SEL1L3: variants seen among roughly 807,000 people sequenced by gnomAD.
SEL1L3 encodes the protein protein sel-1 homolog 3.
In SEL1L3, 76 loss-of-function variants were observed where a neutral mutation model predicts 142.8. That is an observed-to-expected ratio of 0.53 (90% CI 0.44 to 0.64). SEL1L3 has a LOEUF of 0.64. Ranked by LOEUF, SEL1L3 falls within the 30% of genes least tolerant of loss-of-function variation. The pLI is 0.00. For missense variants in SEL1L3, 1,262 were observed against 1,381.7 expected (o/e 0.91, Z 1.37); for synonymous variants, 504 against 519.6 (o/e 0.97, Z 0.41).
chr4:25,781,139 T>C (rs755175979), intron 15 of SEL1L3, among the ~76,000 whole-genome samples: 3 of 151,862 alleles, frequency 2.0e-5, no homozygotes, highest in Non-Finnish European at 4.4e-5. Flanking sequence ...ACCACCACTC[T>C]CAGCCCTCCT....
intron 9 of SEL1L3, among the ~76,000 whole-genome samples, chr4:25,815,094 G>A (rs1714303894): frequency 6.6e-6 from 1 of 152,246 alleles, no homozygotes; most frequent in Non-Finnish European, 1.5e-5. Context: ...AGGGAGAAGA[G>A]GAAGGCAGCT....
the SEL1L3 span, among the ~76,000 whole-genome samples, chr4:25,724,209 A>G: frequency 6.6e-6 from 1 of 152,118 alleles, no homozygotes. Flanking sequence ...ACTTGAGGTC[A>G]GGAGTTCGAG....
At chr4:25,716,380 C>T in the SEL1L3 span, among the ~76,000 whole-genome samples, 1 of 152,098 alleles carries the variant, frequency 6.6e-6, no homozygotes, top group African/African-American at 2.4e-5. Context: ...GGATATAGAA[C>T]ATAGAGAACA....
upstream of SEL1L3, chr4:25,863,364 T>TTTTCCTCCC (rs1299556036): frequency 6.4e-6 from 4 of 623,288 alleles, no homozygotes; most frequent in African/African-American, 7.6e-5. Flanking sequence ...CACTTTCTCC[T>TTTTCCTCCC]TTTCCTCCCT....
chr4:25,726,485 G>A, the SEL1L3 span, among the ~76,000 whole-genome samples: 6 of 147,912 alleles, frequency 4.1e-5, no homozygotes, highest in Non-Finnish European at 5.9e-5. Context: ...CCGAGATTGC[G>A]CCACTGCACT....
chr4:25,714,507 T>A, the SEL1L3 span, among the ~76,000 whole-genome samples: 1 of 39,436 alleles, frequency 2.5e-5, no homozygotes, highest in African/African-American at 6.9e-5. Context: ...TCTTTTTCTT[T>A]CTTTCTTTCT....
At chr4:25,757,092 A>G (rs1239855587) in intron 23 of SEL1L3, among the ~76,000 whole-genome samples, 3 of 152,138 alleles carry the variant, frequency 2.0e-5, no homozygotes, top group Admixed American at 2.0e-4. Context: ...ACATGGTGAA[A>G]CCCCGTCTCT....
chr4:25,858,793 C>G (rs1363667554), intron 1 of SEL1L3, among the ~76,000 whole-genome samples: 2 of 152,074 alleles, frequency 1.3e-5, no homozygotes, highest in South Asian at 4.1e-4. Context: ...ACCATGTTGG[C>G]CAGGATGGTC....
the SEL1L3 span, among the ~76,000 whole-genome samples, chr4:25,717,258 G>T: frequency 6.6e-6 from 1 of 152,238 alleles, no homozygotes; most frequent in Admixed American, 6.5e-5. Context: ...CATAGAGGGA[G>T]GATGAACCTT....
At position 25,779,150 on chromosome 4, in the gene SEL1L3, C is replaced by T; in HGVS notation, c.2511G>A (p.Gly837=). Residue 837 remains glycine (G), a synonymous_variant, in exon 16 of 24, where the codon GGG becomes GGA. Transcript: ENST00000399878. ...HKAAQGGHME[G]TLWCSLYYIT... ...TATAGTAGAGAGAACACCACAAGGT[C>T]CCTTCCATGTGTCCACCTTGCGCAG... 2 of 1,613,380 alleles carry T rather than the reference C, an allele frequency of 1.2e-6. No individual in the cohort carries two copies. The highest frequency in any genetic ancestry group is 1.7e-6 in the Non-Finnish European group (2 of 1,179,360).
intron 17 of SEL1L3, among the ~76,000 whole-genome samples, chr4:25,772,803 A>T (rs181521255): frequency 2.5e-4 from 38 of 152,098 alleles, no homozygotes; most frequent in African/African-American, 8.9e-4. Context: ...TTATTTATTT[A>T]TTTATTTTTT....
intron 1 of SEL1L3, among the ~76,000 whole-genome samples, chr4:25,850,845 TTTTG>T (rs1219224548): frequency 8.0e-4 from 122 of 152,114 alleles, no homozygotes; most frequent in African/African-American, 2.8e-3. Context: ...GTTTTCTTTT[TTTTG>T]TTTGTTTGTT....
downstream of SEL1L3, among the ~76,000 whole-genome samples, chr4:25,746,966 G>A (rs933427710): frequency 9.2e-5 from 14 of 151,978 alleles, no homozygotes; most frequent in African/African-American, 3.4e-4. Flanking sequence ...TTTATAGTAT[G>A]GGAATCTGAG....
At chr4:25,853,488 T>C (rs10030886) in intron 1 of SEL1L3, among the ~76,000 whole-genome samples, 19,886 of 152,068 alleles carry the variant, frequency 0.13, 4,367 homozygotes, top group African/African-American at 0.45. Context: ...CTGGTCTGAT[T>C]TGAGATGTCC....
Position 25,782,341 on chromosome 4 carries a change from G to A in SEL1L3, c.2358C>T (p.Tyr786=). 6.2e-7 allele frequency: 1 copy of A among 1,613,814 alleles called. No individual in the cohort carries two copies. Among genetic ancestry groups the A allele is most frequent in the African/African-American group, 1.3e-5 (1 of 75,002 alleles). The change falls in exon 15 of 24, where the codon TAC becomes TAT. Residue 786 remains tyrosine, a synonymous_variant. Coordinates refer to ENST00000399878, the MANE Select transcript of SEL1L3 (RefSeq NM_015187.5). Reference sequence around the variant, plus strand: ...TCCCCATTTCTTCTGCTTTTAACCAGTACTTTGCTGCTTTGGCGTAATTTT... The same window carrying A: ...TCCCCATTTCTTCTGCTTTTAACCAATACTTTGCTGCTTTGGCGTAATTTT... ...FKKNYAKAAK[Y]WLKAEEMGNP...
intron 6 of SEL1L3, among the ~76,000 whole-genome samples, chr4:25,826,577 C>G (rs1577664769): frequency 6.6e-6 from 1 of 152,204 alleles, no homozygotes; most frequent in East Asian, 1.9e-4. Flanking sequence ...CTGCTTATTT[C>G]TCTGATGGGG....
In SEL1L3 at chr4:25,831,679, C is replaced by T. The variant is rs114705545; in HGVS notation, c.1098+1316G>A. Among the ~76,000 whole-genome samples the T allele has an allele frequency of 3.2e-3, 491 of 151,908 alleles. 3 individuals carry two copies. The highest frequency in any genetic ancestry group is 0.011 in the African/African-American group (472 of 41,420). ...TAGCTGGGATTATAGGCACGTACAC[C>T]ACGCCCAGTTAATTTTTGTATTTTT... On this transcript the variant is annotated intron_variant, in intron 5 of 23. Transcript: ENST00000399878.
intron 6 of SEL1L3, among the ~76,000 whole-genome samples, chr4:25,824,060 A>T (rs899127634): frequency 6.6e-6 from 1 of 152,066 alleles, no homozygotes; most frequent in Non-Finnish European, 1.5e-5. Context: ...AGCTCCTGAT[A>T]TTTTTCTTTT....
At chr4:25,842,075 G>T (rs1716200368) in intron 2 of SEL1L3, among the ~76,000 whole-genome samples, 1 of 152,084 alleles carries the variant, frequency 6.6e-6, no homozygotes, top group Admixed American at 6.5e-5. Context: ...TAAAGAGGGT[G>T]GCTTTGTCCT....
Sources: allele counts gnomAD v4.1 joint callset (sites outside exome capture counted in the v4.1 genomes callset), GRCh38; gene constraint gnomAD v4.1.1; transcripts MANE v1.5; gene names NCBI Gene and HGNC (gene_info 2026-07-23, HGNC 2026-07-21).